Variants in EXOC4 observed in about 807,000 individuals in gnomAD.
EXOC4 encodes exocyst complex component 4.
Under a neutral mutation model 107.2 loss-of-function variants are expected in EXOC4, and 71 were observed. The observed-to-expected ratio is 0.66, with a 90% CI of 0.55 to 0.81. EXOC4 has a LOEUF of 0.81. EXOC4 is among the 30% of genes least tolerant of loss of function. EXOC4 has a pLI of 0.00. For missense variants in EXOC4, 1,108 were observed against 1,189.6 expected, an observed-to-expected ratio of 0.93 and a Z score of 1.01; for synonymous variants, 456 against 441.2, an observed-to-expected ratio of 1.03 and a Z score of -0.42.
intron 7 of EXOC4, among the ~76,000 whole-genome samples, chr7:133,405,229 G>A (rs529562000): frequency 3.4e-4 from 51 of 151,930 alleles, no homozygotes; most frequent in Non-Finnish European, 6.0e-4. Flanking sequence ...TGTATGTAGA[G>A]CAAATATCAA....
chr7:133,650,105 A>G (rs530568106), intron 10 of EXOC4, among the ~76,000 whole-genome samples: 1 of 151,992 alleles, frequency 6.6e-6, no homozygotes, highest in East Asian at 1.9e-4. Context: ...TTGTTTGATC[A>G]TTTTTCCTCT....
chr7:133,941,795 C>T (rs548535404), intron 14 of EXOC4, among the ~76,000 whole-genome samples: 4 of 147,242 alleles, frequency 2.7e-5, no homozygotes, highest in African/African-American at 7.4e-5. Context: ...CCCAAAATAT[C>T]GTCAGGTCCC....
intron 7 of EXOC4, among the ~76,000 whole-genome samples, chr7:133,416,650 C>G (rs779896632): frequency 6.6e-6 from 1 of 152,134 alleles, no homozygotes; most frequent in South Asian, 2.1e-4. Flanking sequence ...CACTCATGAT[C>G]GGTCAATCTT....
intron 3 of EXOC4, among the ~76,000 whole-genome samples, chr7:133,300,895 T>C (rs1271314658): frequency 6.6e-6 from 1 of 152,144 alleles, no homozygotes; most frequent in Admixed American, 6.5e-5. Context: ...ATTTTTTTTT[T>C]CTAAGCTTCA....
intron 11 of EXOC4, among the ~76,000 whole-genome samples, chr7:133,859,104 A>T (rs1798479055): frequency 6.6e-6 from 1 of 152,102 alleles, no homozygotes; most frequent in South Asian, 2.1e-4. Context: ...GGTTGAGTTA[A>T]ATCTACAACC....
chr7:133,780,117 A>G (rs1185606344), intron 10 of EXOC4, among the ~76,000 whole-genome samples: 1 of 152,144 alleles, frequency 6.6e-6, no homozygotes, highest in Non-Finnish European at 1.5e-5. Flanking sequence ...TTTGCTTGAC[A>G]AGTCATATTA....
At chr7:133,609,789 C>G (rs1039003982) in intron 9 of EXOC4, among the ~76,000 whole-genome samples, 2 of 152,182 alleles carry the variant, frequency 1.3e-5, no homozygotes, top group African/African-American at 4.8e-5. Context: ...ACTGAACATT[C>G]TGCTTTCAGT....
At chr7:133,484,223 C>T (rs1799222933) in intron 9 of EXOC4, 1 of 1,455,478 alleles carries the variant, frequency 6.9e-7, no homozygotes, top group Non-Finnish European at 9.1e-7. Flanking sequence ...GTTATCAATG[C>T]ATCTCAATAG....
chr7:133,625,533 A>G (rs989786910), intron 9 of EXOC4, among the ~76,000 whole-genome samples: 8 of 152,190 alleles, frequency 5.3e-5, no homozygotes, highest in African/African-American at 1.9e-4. Flanking sequence ...TTTTATTAAT[A>G]TGACAATATT....
intron 11 of EXOC4, among the ~76,000 whole-genome samples, chr7:133,855,663 G>A (rs547161932): frequency 2.0e-5 from 3 of 152,268 alleles, no homozygotes; most frequent in African/African-American, 7.2e-5. Flanking sequence ...TCTTTGGGAG[G>A]AGGGTAAAAG....
At chr7:133,776,558 A>T (rs542765018) in intron 10 of EXOC4, among the ~76,000 whole-genome samples, 1 of 152,314 alleles carries the variant, frequency 6.6e-6, no homozygotes, top group East Asian at 1.9e-4. Flanking sequence ...ATCCATTGTC[A>T]GTGTGGACAC....
At chr7:134,095,460 G>GA in the EXOC4 span, among the ~76,000 whole-genome samples, 8 of 152,010 alleles carry the variant, frequency 5.3e-5, no homozygotes, top group Admixed American at 1.3e-4. Context: ...CACAGAATTA[G>GA]AAAAAACTAT....
At chr7:133,506,165 A>G (rs974420362) in intron 9 of EXOC4, among the ~76,000 whole-genome samples, 7 of 152,168 alleles carry the variant, frequency 4.6e-5, no homozygotes, top group African/African-American at 1.7e-4. Context: ...GAATACCTGA[A>G]TAAATTAGGG....
chr7:133,581,572 C>T (rs549557064), intron 9 of EXOC4, among the ~76,000 whole-genome samples: 2 of 151,376 alleles, frequency 1.3e-5, no homozygotes, highest in African/African-American at 4.9e-5. Flanking sequence ...TCCTGGCTAA[C>T]ACGGTGAAAC....
At chr7:133,592,993 C>T (rs1346862249) in intron 9 of EXOC4, among the ~76,000 whole-genome samples, 1 of 152,156 alleles carries the variant, frequency 6.6e-6, no homozygotes, top group Admixed American at 6.5e-5. Flanking sequence ...GTTATCTGCC[C>T]ACCTTGGCCT....
intron 10 of EXOC4, among the ~76,000 whole-genome samples, chr7:133,749,695 G>GTT (rs1795750816): frequency 6.6e-6 from 1 of 152,126 alleles, no homozygotes; most frequent in Admixed American, 6.6e-5. Context: ...GGCCTGGCCT[G>GTT]TTTTGAGCTT....
In EXOC4 at chr7:133,330,974, A is replaced by G. The variant is rs577624233; in HGVS notation, c.763+13584A>G. On this transcript the variant is annotated intron_variant, in intron 5 of 17. Transcript: ENST00000253861. ...TTTTAAATAATAGTTTATAAGTTAT[A>G]GTTTGCAAAATATATCATTTAAATG... 9.0e-4 allele frequency among the ~76,000 whole-genome samples: 136 copies of G among 151,802 alleles called. 1 individual carries two copies. In the Middle Eastern group the frequency reaches 0.01, roughly 11 times the overall value.
chr7:133,651,897 C>G (rs893173417), intron 10 of EXOC4, among the ~76,000 whole-genome samples: 10 of 152,150 alleles, frequency 6.6e-5, no homozygotes, highest in Non-Finnish European at 1.5e-4. Context: ...GTTGGCCAGG[C>G]TGGTCTTGCT....
intron 10 of EXOC4, among the ~76,000 whole-genome samples, chr7:133,704,979 C>T (rs1258594411): frequency 6.6e-6 from 1 of 152,156 alleles, no homozygotes; most frequent in African/African-American, 2.4e-5. Flanking sequence ...ATCTTAGTAA[C>T]CTCAGCATAT....
Sources: allele counts gnomAD v4.1 joint callset (sites outside exome capture counted in the v4.1 genomes callset), GRCh38; gene constraint gnomAD v4.1.1; transcripts MANE v1.5; gene names NCBI Gene and HGNC (gene_info 2026-07-23, HGNC 2026-07-21).